TRPM4: variants seen among roughly 807,000 people sequenced by gnomAD.
TRPM4 encodes transient receptor potential cation channel subfamily M member 4.
A neutral mutation model predicts 135.6 loss-of-function variants in TRPM4; 124 were observed. That is an observed-to-expected ratio of 0.91 (90% CI 0.79 to 1.06). TRPM4 has a LOEUF of 1.06. Ranked by LOEUF, TRPM4 falls within the 50% of genes least tolerant of loss-of-function variation. TRPM4 has a pLI of 0.00. For missense variants in TRPM4, 1,658 were observed against 1,671.4 expected, an observed-to-expected ratio of 0.99 and a Z score of 0.14; for synonymous variants, 745 against 705.6, an observed-to-expected ratio of 1.06 and a Z score of -0.88.
chr19:49,169,719 G>A (rs913351982), intron 6 of TRPM4, among the ~76,000 whole-genome samples: 1 of 151,718 alleles, frequency 6.6e-6, no homozygotes, highest in African/African-American at 2.4e-5. Flanking sequence ...ACCTGGCTCC[G>A]GCTAATTTTT....
Position 49,183,461 on chromosome 19 carries a change from A to G in TRPM4, c.1743+249A>G, listed in dbSNP as rs949254501. On this transcript the variant is annotated intron_variant, in intron 12 of 24. Transcript: ENST00000252826. ...GCCCAGGCTGCAGTGCAGTGGCGCA[A>G]TCTTGGCTTACTGCACCCTCAGTCT... 4.6e-5 allele frequency among the ~76,000 whole-genome samples: 7 copies of G among 152,192 alleles called. No individual in the cohort carries two copies. In the South Asian group the frequency reaches 6.2e-4, roughly 14 times the overall value.
intron 2 of TRPM4, among the ~76,000 whole-genome samples, chr19:49,164,364 G>GT (rs869232937): frequency 0.078 from 1,265 of 16,258 alleles, 376 homozygotes; most frequent in Admixed American, 0.11. Flanking sequence ...TCTTTCCTTA[G>GT]TTTTTTTTTT....
chr19:49,177,314 A>G (rs1967734197), intron 9 of TRPM4, among the ~76,000 whole-genome samples: 1 of 149,970 alleles, frequency 6.7e-6, no homozygotes, highest in Admixed American at 6.6e-5. Flanking sequence ...AAAGAAGGGC[A>G]AGGTCATGAA....
chr19:49,168,754 T>TGACCCACAACCCAC lies in TRPM4; in HGVS notation c.796+30_796+43dup, dbSNP rs749421618. ...CGTGGGAGGTGAGTGGTCGAACCCA[T>TGACCCACAACCCAC]GACCCACAACCCACGACCCACAACC... is the stretch of plus-strand genomic sequence containing the variant. On this transcript the variant is annotated intron_variant, in intron 6 of 24. Transcript: ENST00000252826. 6.3e-7 allele frequency: 1 copy of TGACCCACAACCCAC among 1,576,548 alleles called. No individual in the cohort carries two copies. The highest frequency in any genetic ancestry group is 1.3e-5 in the African/African-American group (1 of 74,296).
At position 49,172,104 on chromosome 19, in the gene TRPM4, G is replaced by A; in HGVS notation, c.1146G>A (p.Val382=). ...EFETIVLKAL[V]KACGSSEASA... ...AGACCATAGTTTTGAAGGCCCTTGT[G>A]AAGGGTAAAAGTTGTACCCTCCAGT... The change falls in exon 9 of 25, where the codon GTG becomes GTA. Residue 382 remains valine (V), a synonymous_variant. Coordinates refer to ENST00000252826, the MANE Select transcript of TRPM4 (RefSeq NM_017636.4). 6.2e-7 allele frequency: 1 copy of A among 1,612,932 alleles called. No individual in the cohort carries two copies. The highest frequency in any genetic ancestry group is 8.5e-7 in the Non-Finnish European group (1 of 1,178,956).
At chr19:49,162,221 G>A (rs576877847) in intron 2 of TRPM4, among the ~76,000 whole-genome samples, 1 of 152,234 alleles carries the variant, frequency 6.6e-6, no homozygotes, top group South Asian at 2.1e-4. Flanking sequence ...ATGGAGCCAG[G>A]CAGGAAATTG....
Position 49,171,746 on chromosome 19 carries a change from G to A in TRPM4, c.1027G>A (p.Asp343Asn). The A allele has an allele frequency of 6.2e-7, 1 of 1,611,590 alleles. No homozygotes were observed. The highest frequency in any genetic ancestry group is 8.5e-7 in the Non-Finnish European group (1 of 1,179,890). The change falls in exon 8 of 25, where the codon GAC (aspartate) becomes AAC (asparagine). Residue 343 changes from aspartate to asparagine, a missense_variant. Physicochemically the swap from Asp to Asn is conservative, Grantham distance 23. Around this residue, in one of 3 missense-constraint regions of TRPM4, gnomAD observed 1,412 missense variants for 1,408.7 expected, o/e 1.00. Coordinates refer to ENST00000252826, the MANE Select transcript of TRPM4 (RefSeq NM_017636.4). This position sits in a 1 kb window ranked among gnomAD's most constrained non-coding sequence, Gnocchi z 4.7. ...DRIRRFFPKGDLEVLQAQVER... is the reference protein window; with the variant it reads ...DRIRRFFPKGNLEVLQAQVER... ...AATCAGGCGTTTCTTTCCCAAAGGG[G>A]ACCTTGAGGTCCTGCAGGCCCAGGT...
chr19:49,211,764 G>A lies in TRPM4; in HGVS notation c.*266G>A, dbSNP rs1229223350. The A allele has an allele frequency of 3.4e-6, 2 of 581,040 alleles. No homozygotes were observed. The highest frequency in any genetic ancestry group is 5.8e-5 in the East Asian group (2 of 34,776). 36.0% of individuals were successfully genotyped at this position (581,040 alleles called of 1,614,324 possible). A position where few individuals can be genotyped will look rare whatever the true frequency, so the allele number is the denominator to read the frequency against. ...CATCTGGAGGCTGCAGGGTCCTTGG[G>A]GTAACAGGGACCACAGACCCCTCAC... On this transcript the variant is annotated 3_prime_UTR_variant, in exon 25 of 25. Transcript: ENST00000252826. This position sits in a 1 kb window ranked among gnomAD's most constrained non-coding sequence, Gnocchi z 4.8.
At chr19:49,181,312 C>T (rs1568469484) in intron 9 of TRPM4, 37 bp from the exon 10 acceptor site, 3 of 1,491,380 alleles carry the variant, frequency 2.0e-6, no homozygotes, top group East Asian at 2.3e-5. Flanking sequence ...TCCCTCCTCC[C>T]CTGACTTCTT....
At chr19:49,207,903 G>A (rs1025510886) in intron 20 of TRPM4, among the ~76,000 whole-genome samples, 3 of 151,926 alleles carry the variant, frequency 2.0e-5, no homozygotes, top group African/African-American at 4.8e-5. Context: ...CGTGGAGACC[G>A]ACAGTGGCCC....
rs72260340 is a variant in TRPM4 at position 49,158,584 on chromosome 19, T to TTTCATTCA, written c.92+355_92+362dup. 509 of 245,154 alleles carry TTTCATTCA rather than the reference T, an allele frequency of 2.1e-3. 3 individuals carry two copies. The highest frequency in any genetic ancestry group is 9.7e-3 in the African/African-American group (420 of 43,440). The allele number at this position is 245,154 out of a possible 1,614,324, so 15.2% of individuals were successfully genotyped here. On this transcript the variant is annotated intron_variant, in intron 2 of 24. Coordinates refer to ENST00000252826, the MANE Select transcript of TRPM4 (RefSeq NM_017636.4). ...TGTCTTTCCCTTTTGGGTATTTCTGTTTCATTCATTCATTCATTCATTCAT... is the reference window on the plus strand; with the variant it reads ...TGTCTTTCCCTTTTGGGTATTTCTGTTTCATTCATTCATTCATTCATTCATTCATTCAT...
intron 9 of TRPM4, among the ~76,000 whole-genome samples, chr19:49,176,496 A>G (rs950134107): frequency 6.6e-6 from 1 of 152,144 alleles, no homozygotes; most frequent in African/African-American, 2.4e-5. Flanking sequence ...TAGGTATAGT[A>G]CAGGCTGTGG....
At chr19:49,185,641 A>G (rs1004110863) in intron 12 of TRPM4, among the ~76,000 whole-genome samples, 2 of 152,074 alleles carry the variant, frequency 1.3e-5, no homozygotes, top group African/African-American at 4.8e-5. Flanking sequence ...TGAATATGAT[A>G]ATGTGGCAAC....
rs1265443407 is a variant in TRPM4 at position 49,181,344 on chromosome 19, T to A, written c.1151-5T>A. On this transcript the variant is annotated splice_polypyrimidine_tract_variant and splice_region_variant and intron_variant, in intron 9 of 24. Coordinates refer to ENST00000252826, the MANE Select transcript of TRPM4 (RefSeq NM_017636.4). ...TCTTGTCCCCTCTCCCTCTAATCCTTCCAGCCTGTGGGAGCTCGGAGGCCT... is the reference window on the plus strand; with the variant it reads ...TCTTGTCCCCTCTCCCTCTAATCCTACCAGCCTGTGGGAGCTCGGAGGCCT... 1 of 1,610,692 alleles carries A rather than the reference T, an allele frequency of 6.2e-7. No homozygotes were observed.
intron 9 of TRPM4, among the ~76,000 whole-genome samples, chr19:49,175,874 G>A (rs1421649773): frequency 1.4e-5 from 2 of 146,704 alleles, no homozygotes; most frequent in African/African-American, 2.5e-5. Context: ...TGATCCACCC[G>A]CCTCGGCCTC....
In TRPM4 at chr19:49,211,762, G is replaced by A. The variant is rs1969379223; in HGVS notation, c.*264G>A. Reference sequence around the variant, plus strand: ...TCCATCTGGAGGCTGCAGGGTCCTTGGGGTAACAGGGACCACAGACCCCTC... The same window carrying A: ...TCCATCTGGAGGCTGCAGGGTCCTTAGGGTAACAGGGACCACAGACCCCTC... On this transcript the variant is annotated 3_prime_UTR_variant, in exon 25 of 25. Transcript: ENST00000252826. This position sits in a 1 kb window ranked among gnomAD's most constrained non-coding sequence, Gnocchi z 4.8. The A allele has an allele frequency of 1.7e-6, 1 of 581,334 alleles. No homozygotes were observed. Among genetic ancestry groups the A allele is most frequent in the Non-Finnish European group, 3.1e-6 (1 of 325,228 alleles). 36.0% of individuals were successfully genotyped at this position (581,334 alleles called of 1,614,324 possible). A position where few individuals can be genotyped will look rare whatever the true frequency, so the allele number is the denominator to read the frequency against.
intron 9 of TRPM4, among the ~76,000 whole-genome samples, chr19:49,181,090 T>C (rs1967902409): frequency 6.6e-6 from 1 of 151,972 alleles, no homozygotes; most frequent in South Asian, 2.1e-4. Flanking sequence ...ATAACATACC[T>C]CAATAAATAT....
chr19:49,194,632 CCTTT>C (rs199527667), intron 16 of TRPM4, among the ~76,000 whole-genome samples: 223 of 141,768 alleles, frequency 1.6e-3, no homozygotes, highest in Non-Finnish European at 2.7e-3. Context: ...TCTTTCCTTC[CCTTT>C]CTTTCTCTCT....
At chr19:49,180,428 C>CTGTGTGTGTGTGTG (rs71919979) in intron 9 of TRPM4, among the ~76,000 whole-genome samples, 23 of 131,326 alleles carry the variant, frequency 1.8e-4, no homozygotes, top group African/African-American at 4.9e-4. Flanking sequence ...TCATCATCTG[C>CTGTGTGTGTGTGTG]TGTGTGTGTG....
Sources: allele counts gnomAD v4.1 joint callset (sites outside exome capture counted in the v4.1 genomes callset), GRCh38; gene constraint gnomAD v4.1.1; regional missense constraint gnomAD v4.1.1; non-coding constraint Gnocchi (gnomAD v3.1); transcripts MANE v1.5; gene names NCBI Gene and HGNC (gene_info 2026-07-23, HGNC 2026-07-21).